The following LRP1B variants were observed in gnomAD, a reference collection of about 807,000 sequenced individuals.
The protein encoded by LRP1B is LDL receptor related protein 1B.
A neutral mutation model predicts 556.6 loss-of-function variants in LRP1B; 217 were observed. The ratio of observed to expected loss-of-function variants is 0.39; its 90% CI spans 0.35 to 0.44. The LOEUF (loss-of-function observed/expected upper bound fraction) is 0.44, where lower values mean the gene tolerates loss of function less well. Ranked by LOEUF, LRP1B falls within the 20% of genes least tolerant of loss-of-function variation. LRP1B has a pLI of 1.00. For synonymous variants in LRP1B, 2,047 were observed against 1,865.8 expected, an observed-to-expected ratio of 1.10 and a Z score of -2.50; for missense variants, 5,053 against 5,620.8, an observed-to-expected ratio of 0.90 and a Z score of 3.23.
rs4461205 is a variant in LRP1B at position 141,490,859 on chromosome 2, T to G, written c.206-10326A>C. Among the ~76,000 whole-genome samples the G allele has an allele frequency of 2.6e-5, 4 of 151,388 alleles. No individual in the cohort carries two copies. In the South Asian group the frequency reaches 8.3e-4, roughly 31 times the overall value. ...GAATTGCTGGATTACCCTCACACTC[T>G]CCTTGTTAAAAGCTCCAGAAATTTA... On this transcript the variant is annotated intron_variant, in intron 2 of 90. Coordinates refer to ENST00000389484, the MANE Select transcript of LRP1B (RefSeq NM_018557.3).
chr2:141,401,844 C>T (rs1405182318), intron 3 of LRP1B, among the ~76,000 whole-genome samples: 1 of 152,122 alleles, frequency 6.6e-6, no homozygotes, highest in Non-Finnish European at 1.5e-5. Flanking sequence ...TTTTCAAGTT[C>T]TCTATGCTTT....
intron 3 of LRP1B, among the ~76,000 whole-genome samples, chr2:141,263,487 T>C (rs1684776235): frequency 6.6e-6 from 1 of 152,072 alleles, no homozygotes; most frequent in Admixed American, 6.6e-5. Context: ...AATATCCCTA[T>C]ATATATAGAA....
intron 2 of LRP1B, among the ~76,000 whole-genome samples, chr2:141,787,411 A>C (rs1695461146): frequency 6.6e-6 from 1 of 151,984 alleles, no homozygotes; most frequent in Non-Finnish European, 1.5e-5. Flanking sequence ...TCATCAATAC[A>C]AAGAATTAGC....
In LRP1B at chr2:140,554,298, A is replaced by G. The variant is rs979916086; in HGVS notation, c.7195-12327T>C. ...AGCCACTGCTAAATGGAATCTGGGC[A>G]AGTTTTATATTTTTATTTTCTTGCC... On this transcript the variant is annotated intron_variant, in intron 43 of 90. Transcript: ENST00000389484. Among the ~76,000 whole-genome samples the G allele has an allele frequency of 5.4e-5, 8 of 147,926 alleles. No homozygotes were observed. The East Asian group carries it at 1.6e-3, about 30-fold the overall frequency.
intron 7 of LRP1B, among the ~76,000 whole-genome samples, chr2:141,161,529 G>A (rs1680033860): frequency 6.6e-6 from 1 of 152,060 alleles, no homozygotes; most frequent in Non-Finnish European, 1.5e-5. Flanking sequence ...ATGAAATATT[G>A]TGAGACAATT....
intron 1 of LRP1B, among the ~76,000 whole-genome samples, chr2:141,819,037 G>A (rs796521682): frequency 2.6e-5 from 4 of 151,172 alleles, no homozygotes; most frequent in African/African-American, 9.7e-5. Context: ...TCAGGAGTTC[G>A]AGACCAGCCT....
rs1697818413 is a variant in LRP1B at position 141,013,613 on chromosome 2, T to C, written c.2323A>G (p.Arg775Gly). The C allele has an allele frequency of 6.2e-7, 1 of 1,612,494 alleles. No individual in the cohort carries two copies. The highest frequency in any genetic ancestry group is 8.5e-7 in the Non-Finnish European group (1 of 1,179,070). ...DLITSEVTLL[R>G]HERPPLFGLQ... is the part of the protein sequence containing the mutation. ...CCAAATAGGGGTGGTCTTTCATGCC[T>C]CAGCAATGTCACCTCACTTGTTATC... The change falls in exon 14 of 91, where the codon AGG becomes GGG. Residue 775 changes from arginine to glycine, a missense_variant. Physicochemically the swap from Arg to Gly is moderately radical, Grantham distance 125 (BLOSUM62 -2). Coordinates refer to ENST00000389484, the MANE Select transcript of LRP1B (RefSeq NM_018557.3).
At chr2:141,510,908 A>C (rs2381189) in intron 2 of LRP1B, among the ~76,000 whole-genome samples, 782 of 3,730 alleles carry the variant, frequency 0.21, 25 homozygotes, top group South Asian at 0.51. Flanking sequence ...ACACACACAC[A>C]CCCCACACAA....
chr2:140,685,240 C>T (rs892449123), intron 41 of LRP1B, among the ~76,000 whole-genome samples: 5 of 152,056 alleles, frequency 3.3e-5, no homozygotes, highest in African/African-American at 1.2e-4. Context: ...TACATGCTGG[C>T]TAGATTCTAT....
intron 43 of LRP1B, 108 bp from the exon 44 acceptor site, chr2:140,542,079 T>A: frequency 4.6e-6 from 3 of 654,154 alleles, no homozygotes; most frequent in South Asian, 8.3e-5. Context: ...TGGATTTAAT[T>A]AACAGAAATC....
chr2:140,678,797 G>T (rs1402195481), intron 41 of LRP1B, among the ~76,000 whole-genome samples: 1 of 150,632 alleles, frequency 6.6e-6, no homozygotes, highest in Non-Finnish European at 1.5e-5. Context: ...GGTTGGGGGG[G>T]AATGGAGTCT....
chr2:140,326,541 C>CCTGT (rs2105065871), intron 79 of LRP1B, among the ~76,000 whole-genome samples: 1 of 152,024 alleles, frequency 6.6e-6, no homozygotes, highest in Non-Finnish European at 1.5e-5. Context: ...ATGGTGAAAC[C>CCTGT]CTGTCTCTAC....
intron 2 of LRP1B, among the ~76,000 whole-genome samples, chr2:141,714,738 A>G (rs1234005566): frequency 2.6e-5 from 4 of 152,128 alleles, no homozygotes; most frequent in Non-Finnish European, 5.9e-5. Context: ...CAACTTTCAG[A>G]CAGGCCAAGT....
chr2:141,459,532 C>T (rs917194648), intron 3 of LRP1B, among the ~76,000 whole-genome samples: 32 of 151,962 alleles, frequency 2.1e-4, no homozygotes, highest in Admixed American at 1.4e-3. Context: ...CTTTGTCCCC[C>T]GCTAAATCTC....
At chr2:140,758,633 G>T (rs912080325) in intron 35 of LRP1B, among the ~76,000 whole-genome samples, 1 of 151,870 alleles carries the variant, frequency 6.6e-6, no homozygotes, top group East Asian at 1.9e-4. Context: ...TTACTTAACA[G>T]GGTTTTAAAT....
chr2:140,860,062 T>A (rs369610428), intron 27 of LRP1B, among the ~76,000 whole-genome samples: 24 of 152,070 alleles, frequency 1.6e-4, no homozygotes, highest in African/African-American at 5.1e-4. Context: ...AACTTAACTT[T>A]GAGAAGGTAA....
rs1169109462 is a variant in LRP1B, at chr2:141,188,592, C to G, written c.851-9G>C. 1.2e-6 allele frequency: 2 copies of G among 1,610,638 alleles called. No individual in the cohort carries two copies. The highest frequency in any genetic ancestry group is 1.3e-5 in the African/African-American group (1 of 74,824). The stretch of plus-strand genomic sequence containing the variant: ...CGCCATTTGTTGCACATCTGAAAAA[C>G]ACATACACAAAATCATTGAATCACA... On this transcript the variant is annotated splice_polypyrimidine_tract_variant and intron_variant, in intron 6 of 90. Transcript: ENST00000389484.
intron 84 of LRP1B, among the ~76,000 whole-genome samples, chr2:140,291,735 G>C (rs13419921): frequency 0.33 from 49,995 of 151,930 alleles, 8,758 homozygotes; most frequent in African/African-American, 0.43. Context: ...TTGGTTCCAA[G>C]TGTTTGCTAT....
chr2:140,903,674 A>C (rs1415992969), intron 22 of LRP1B, among the ~76,000 whole-genome samples: 1 of 151,986 alleles, frequency 6.6e-6, no homozygotes, highest in Non-Finnish European at 1.5e-5. Flanking sequence ...TGGAGTTAAA[A>C]TGCAGAATGG....
Sources: allele counts gnomAD v4.1 joint callset (sites outside exome capture counted in the v4.1 genomes callset), GRCh38; gene constraint gnomAD v4.1.1; transcripts MANE v1.5; gene names NCBI Gene and HGNC (gene_info 2026-07-23, HGNC 2026-07-21).